KLF12: variants seen among roughly 807,000 people sequenced by gnomAD.
The protein encoded by KLF12 is KLF transcription factor 12, also known as Krueppel-like factor 12.
A neutral mutation model predicts 37.8 loss-of-function variants in KLF12; 9 were observed. That is an observed-to-expected ratio of 0.24 (90% CI 0.14 to 0.42). KLF12 has a LOEUF of 0.42. Ranked by LOEUF, KLF12 falls within the 10% of genes least tolerant of loss-of-function variation. The pLI is 1.00. For synonymous variants in KLF12, 208 were observed against 202.1 expected (o/e 1.03, Z -0.25); for missense variants, 411 against 516.0 (o/e 0.80, Z 1.97).
At chr13:73,779,654 T>C (rs1363046402) in intron 5 of KLF12, among the ~76,000 whole-genome samples, 1 of 152,248 alleles carries the variant, frequency 6.6e-6, no homozygotes, top group Non-Finnish European at 1.5e-5. Context: ...ATCATGGGAA[T>C]TTCCCAAGTT....
intron 3 of KLF12, among the ~76,000 whole-genome samples, chr13:73,909,451 T>G (rs1350198119): frequency 6.6e-6 from 1 of 152,236 alleles, no homozygotes; most frequent in East Asian, 1.9e-4. Flanking sequence ...GAAAATCTGT[T>G]GTCTTTTCAC....
At chr13:73,898,036 G>A (rs1594227123) in intron 3 of KLF12, among the ~76,000 whole-genome samples, 1 of 152,134 alleles carries the variant, frequency 6.6e-6, no homozygotes, top group Middle Eastern at 3.4e-3. Context: ...TCCTGCCAGG[G>A]TACGCTCTTC....
At chr13:74,303,831 G>A in the KLF12 span, among the ~76,000 whole-genome samples, 4 of 151,984 alleles carry the variant, frequency 2.6e-5, no homozygotes, top group Non-Finnish European at 5.9e-5. Context: ...TCTGTCATCA[G>A]GATTTATCAG....
chr13:73,961,327 A>G (rs1196360392), intron 2 of KLF12, among the ~76,000 whole-genome samples: 1 of 152,154 alleles, frequency 6.6e-6, no homozygotes, highest in Non-Finnish European at 1.5e-5. Flanking sequence ...CTAGCATGTA[A>G]GAAGCTTAGA....
intron 6 of KLF12, among the ~76,000 whole-genome samples, chr13:73,721,174 T>A (rs145766694): frequency 6.6e-6 from 1 of 152,332 alleles, no homozygotes; most frequent in African/African-American, 2.4e-5. Context: ...ATGAGGAAAC[T>A]GAGGCACAGA....
intron 1 of KLF12, among the ~76,000 whole-genome samples, chr13:74,107,804 AAAGAG>A (rs1876737317): frequency 6.6e-6 from 1 of 152,356 alleles, no homozygotes; most frequent in Non-Finnish European, 1.5e-5. Context: ...GATGAAGAGC[AAAGAG>A]AAGAAACACA....
intron 1 of KLF12, among the ~76,000 whole-genome samples, chr13:74,031,005 T>C (rs1893098276): frequency 6.6e-6 from 1 of 152,158 alleles, no homozygotes. Context: ...AGGTACTATA[T>C]ATTTTTAAAA....
chr13:73,946,309 G>A (rs1331354720), intron 2 of KLF12, among the ~76,000 whole-genome samples: 1 of 152,172 alleles, frequency 6.6e-6, no homozygotes, highest in Non-Finnish European at 1.5e-5. Flanking sequence ...AGAGGCTAAT[G>A]TCCCTTTTAG....
chr13:73,916,247 G>T (rs140768639), intron 3 of KLF12, among the ~76,000 whole-genome samples: 1 of 146,538 alleles, frequency 6.8e-6, no homozygotes, highest in Non-Finnish European at 1.5e-5. Context: ...ACACGCACAC[G>T]CACACACACA....
the KLF12 span, among the ~76,000 whole-genome samples, chr13:74,156,255 C>T: frequency 0.18 from 27,409 of 152,120 alleles, 2,917 homozygotes; most frequent in African/African-American, 0.29. Flanking sequence ...GGGCACTTTT[C>T]AGAGGCCTCT....
chr13:74,206,002 C>T, the KLF12 span, among the ~76,000 whole-genome samples: 770 of 152,148 alleles, frequency 5.1e-3, 7 homozygotes, highest in Non-Finnish European at 6.5e-3. Flanking sequence ...TTATAAATAT[C>T]AAATCTAAAT....
intron 5 of KLF12, among the ~76,000 whole-genome samples, chr13:73,799,404 T>C (rs1882166075): frequency 6.6e-6 from 1 of 151,940 alleles, no homozygotes; most frequent in Non-Finnish European, 1.5e-5. Flanking sequence ...CCCTGGAACC[T>C]AAAATAAAAA....
At chr13:74,248,429 G>T in the KLF12 span, among the ~76,000 whole-genome samples, 2 of 152,172 alleles carry the variant, frequency 1.3e-5, no homozygotes, top group Non-Finnish European at 2.9e-5. Flanking sequence ...TGGAGACGTT[G>T]GTTCTAAAAG....
At chr13:74,114,288 A>G (rs555583946) in intron 1 of KLF12, among the ~76,000 whole-genome samples, 8 of 152,338 alleles carry the variant, frequency 5.3e-5, no homozygotes, top group Non-Finnish European at 1.0e-4. Flanking sequence ...AAAGTTCAAA[A>G]GAATGTTAGC....
intron 6 of KLF12, among the ~76,000 whole-genome samples, chr13:73,750,697 T>A (rs1878684495): frequency 6.6e-6 from 1 of 152,198 alleles, no homozygotes. Context: ...TAGGTAAATG[T>A]GTACCATGGT....
At chr13:74,171,058 C>A in the KLF12 span, among the ~76,000 whole-genome samples, 3 of 152,284 alleles carry the variant, frequency 2.0e-5, no homozygotes, top group African/African-American at 7.2e-5. Context: ...ACCCACAATG[C>A]CCAGCCAGTA....
chr13:74,190,773 C>A, the KLF12 span, among the ~76,000 whole-genome samples: 1 of 152,156 alleles, frequency 6.6e-6, no homozygotes, highest in East Asian at 1.9e-4. Flanking sequence ...TTATTATTTA[C>A]ATTTTCCTGA....
At chr13:74,081,355 T>C (rs1178941729) in intron 1 of KLF12, among the ~76,000 whole-genome samples, 2 of 152,378 alleles carry the variant, frequency 1.3e-5, no homozygotes, top group East Asian at 1.9e-4. Context: ...TTTTCACTGC[T>C]GATGCTTCTT....
At chr13:73,896,854 T>C (rs1887790958) in intron 3 of KLF12, among the ~76,000 whole-genome samples, 1 of 152,078 alleles carries the variant, frequency 6.6e-6, no homozygotes, top group Non-Finnish European at 1.5e-5. Flanking sequence ...TCCAAGAAAA[T>C]GATAGAGATG....
Sources: allele counts gnomAD v4.1 joint callset (sites outside exome capture counted in the v4.1 genomes callset), GRCh38; gene constraint gnomAD v4.1.1; transcripts MANE v1.5; gene names NCBI Gene and HGNC (gene_info 2026-07-23, HGNC 2026-07-21).